TP53I11: variants seen among roughly 807,000 people sequenced by gnomAD.
TP53I11 encodes the protein tumor protein p53 inducible protein 11.
A neutral mutation model predicts 23.3 loss-of-function variants in TP53I11; 9 were observed. That is an observed-to-expected ratio of 0.39 (90% CI 0.23 to 0.67). The LOEUF is 0.67. Ranked by LOEUF, TP53I11 falls within the 30% of genes least tolerant of loss-of-function variation. TP53I11 has a pLI of 0.48. For missense variants in TP53I11, 170 were observed against 255.2 expected (o/e 0.67, Z 2.27); for synonymous variants, 100 against 106.1 (o/e 0.94, Z 0.35).
chr11:44,938,310 A>G lies in TP53I11; in HGVS notation c.26T>C (p.Leu9Pro). 1 of 1,610,916 alleles carries G rather than the reference A, an allele frequency of 6.2e-7. No homozygotes were observed. The highest frequency in any genetic ancestry group is 8.5e-7 in the Non-Finnish European group (1 of 1,178,826). ...GTCCGTCTGGCTGTGCTTCTTCATC[A>G]GAGGCGGGGGCTGCTTGGCCGCCAT... MAAKQPPP[L>P]MKKHSQTDLV... Residue 9 changes from leucine to proline, a missense_variant, in exon 2 of 7, where the codon CTG becomes CCG. Leu to Pro is a moderately conservative substitution (Grantham distance 98). Transcript: ENST00000525680.
chr11:44,937,013 G>A (rs1861212062), intron 4 of TP53I11, 114 bp from the exon 5 acceptor site: 2 of 841,652 alleles, frequency 2.4e-6, no homozygotes, highest in African/African-American at 1.7e-5. Flanking sequence ...AGCATCCTTG[G>A]GGGCAGTCCA....
intron 4 of TP53I11, 127 bp from the exon 5 acceptor site, chr11:44,937,026 G>T: frequency 1.3e-5 from 10 of 796,210 alleles, no homozygotes; most frequent in Non-Finnish European, 1.8e-5. Context: ...GCAGTCCAGG[G>T]TCTGGACCCA....
At chr11:44,935,902 T>C (rs1432984154) in intron 5 of TP53I11, 1 of 578,450 alleles carries the variant, frequency 1.7e-6, no homozygotes, top group Non-Finnish European at 3.1e-6. Flanking sequence ...TATGTGACAC[T>C]GGGCGAGTCA....
intron 2 of TP53I11, among the ~76,000 whole-genome samples, chr11:44,937,840 C>T (rs1445107982): frequency 6.6e-6 from 1 of 152,244 alleles, no homozygotes; most frequent in Non-Finnish European, 1.5e-5. Flanking sequence ...TATGAAAGCT[C>T]AGGGCTCTGC....
intron 3 of TP53I11, 72 bp downstream of exon 3, chr11:44,937,483 G>A: frequency 1.3e-6 from 2 of 1,578,224 alleles, no homozygotes; most frequent in Non-Finnish European, 8.6e-7. Context: ...GGCCAAATGA[G>A]GTGAGGTCTT....
chr11:44,934,134 CAGGACTTCTAGCTGGGAG>C lies in TP53I11; in HGVS notation c.*732_*749del, dbSNP rs1197875689. 6.6e-6 allele frequency: 1 copy of C among 152,546 alleles called. No individual in the cohort carries two copies. 9.4% of individuals were successfully genotyped at this position (152,546 alleles called of 1,614,324 possible). A position where few individuals can be genotyped will look rare whatever the true frequency, so the allele number is the denominator to read the frequency against. ...TCTTGTCAGGCCAGGAGAGTGGGGA[CAGGACTTCTAGCTGGGAG>C]AGGACTTCTAGCTGTGTGTGGCCCA... On this transcript the variant is annotated 3_prime_UTR_variant, in exon 7 of 7. Transcript: ENST00000525680.
intron 1 of TP53I11, among the ~76,000 whole-genome samples, chr11:44,942,105 T>G (rs553763924): frequency 4.6e-5 from 1 of 21,866 alleles, no homozygotes; most frequent in Non-Finnish European, 9.4e-5. Context: ...CACCACACAA[T>G]ACGTGCACAC....
chr11:44,943,993 G>A (rs1162451482), intron 1 of TP53I11, among the ~76,000 whole-genome samples: 1 of 152,200 alleles, frequency 6.6e-6, no homozygotes, highest in Non-Finnish European at 1.5e-5. Flanking sequence ...GCAGGAAAGG[G>A]CTTTCCAATT....
At chr11:44,950,940 C>T (rs1161609832), upstream of TP53I11, 1 of 151,832 alleles carries the variant, frequency 6.6e-6, no homozygotes, top group Non-Finnish European at 1.5e-5. Flanking sequence ...GGCGCGCCGT[C>T]CCCTCCCACG....
At chr11:44,942,366 C>T (rs999731229) in intron 1 of TP53I11, among the ~76,000 whole-genome samples, 2 of 148,248 alleles carry the variant, frequency 1.3e-5, no homozygotes, top group Non-Finnish European at 3.0e-5. Flanking sequence ...ACACACCACA[C>T]ACAACCATAC....
chr11:44,935,986 C>A, intron 5 of TP53I11: 1 of 426,516 alleles, frequency 2.3e-6, no homozygotes, highest in Non-Finnish European at 4.2e-6. Context: ...ATGTCCGGTT[C>A]TGTCAGGAGG....
At chr11:44,942,409 C>A (rs2592186) in intron 1 of TP53I11, among the ~76,000 whole-genome samples, 53,678 of 146,256 alleles carry the variant, frequency 0.37, 9,869 homozygotes, top group African/African-American at 0.46. Context: ...ACACCACACA[C>A]ACACCACACA....
Position 44,935,674 on chromosome 11 carries a change from G to GGGTGGGGGGGGGTTTCA in TP53I11, c.335-13_335-12insTGAAACCCCCCCCCACC. 1.6e-6 allele frequency: 1 copy of GGGTGGGGGGGGGTTTCA among 626,972 alleles called. No individual in the cohort carries two copies. The highest frequency in any genetic ancestry group is 2.9e-6 in the Non-Finnish European group (1 of 344,094). The allele number at this position is 626,972 out of a possible 1,614,324, so 38.8% of individuals were successfully genotyped here. ...GATCAGGGAGATGCCTGGGGCGGGG[G>GGGTGGGGGGGGGTTTCA]ATGAAAAGGGGGCTGGGGGTGGGAC... On this transcript the variant is annotated splice_polypyrimidine_tract_variant and intron_variant, in intron 5 of 6. Transcript: ENST00000525680.
rs1195399766 is a variant in TP53I11 at position 44,950,826 on chromosome 11, A to AGGGCAGGGCC, written c.-182_-181insGGCCCTGCCC. 7.7e-4 allele frequency: 87 copies of AGGGCAGGGCC among 113,470 alleles called. No individual in the cohort carries two copies. The highest frequency in any genetic ancestry group is 2.4e-3 in the African/African-American group (85 of 35,166). 7.0% of individuals were successfully genotyped at this position (113,470 alleles called of 1,614,324 possible). On this transcript the variant is annotated 5_prime_UTR_variant, in exon 1 of 7. Transcript: ENST00000525680. ...AGGGCAGGACAGGGCAGGGCAGGGC[A>AGGGCAGGGCC]GGGCCGGGCCGGCTGGACTGCGCGC...
chr11:44,942,104 A>G (rs1436743460), intron 1 of TP53I11, among the ~76,000 whole-genome samples: 2 of 5,174 alleles, frequency 3.9e-4, no homozygotes, highest in Non-Finnish European at 8.6e-4. Flanking sequence ...ACACCACACA[A>G]TACGTGCACA....
intron 1 of TP53I11, among the ~76,000 whole-genome samples, chr11:44,942,198 T>TACCCACCACCCACACAC (rs1861895345): frequency 1.6e-5 from 1 of 62,488 alleles, no homozygotes; most frequent in Non-Finnish European, 3.3e-5. Flanking sequence ...ACACCACACA[T>TACCCACCACCCACACAC]ACCCACCACG....
intron 4 of TP53I11, 103 bp from the exon 5 acceptor site, chr11:44,937,002 C>CAGCA: frequency 1.1e-6 from 1 of 895,748 alleles, no homozygotes; most frequent in East Asian, 2.7e-5. Context: ...GGAGCAGGAT[C>CAGCA]AGCATCCTTG....
chr11:44,949,780 C>G (rs1221705458), intron 1 of TP53I11, among the ~76,000 whole-genome samples: 1 of 152,220 alleles, frequency 6.6e-6, no homozygotes, highest in South Asian at 2.1e-4. Context: ...ACACTGTACC[C>G]TTCCTGCAGA....
chr11:44,935,386 A>C lies in TP53I11; in HGVS notation c.436+175T>G, dbSNP rs117322868. 7.2e-5 allele frequency among the ~76,000 whole-genome samples: 11 copies of C among 152,322 alleles called. No homozygotes were observed. The East Asian group carries it at 1.5e-3, about 21-fold the overall frequency. ...AGGCACGTGTGTTAGGCATGTGTGCACAGGTGTGCAGGCACACAAGTAAAC... is the reference window on the plus strand; with the variant it reads ...AGGCACGTGTGTTAGGCATGTGTGCCCAGGTGTGCAGGCACACAAGTAAAC... On this transcript the variant is annotated intron_variant, in intron 6 of 6. Transcript: ENST00000525680.
Sources: allele counts gnomAD v4.1 joint callset (sites outside exome capture counted in the v4.1 genomes callset), GRCh38; gene constraint gnomAD v4.1.1; transcripts MANE v1.5; gene names NCBI Gene and HGNC (gene_info 2026-07-23, HGNC 2026-07-21).